Variants in MYT1L observed in about 807,000 individuals in gnomAD.
The protein encoded by MYT1L is myelin transcription factor 1 like, also known as myelin transcription factor 1-like protein.
Under a neutral mutation model 126.7 loss-of-function variants are expected in MYT1L, and 12 were observed. The observed-to-expected ratio is 0.09, with a 90% confidence interval of 0.06 to 0.15. The LOEUF (loss-of-function observed/expected upper bound fraction) is 0.15, where lower values mean the gene tolerates loss of function less well. Among genes scored for constraint, MYT1L ranks in the 10% least tolerant of loss-of-function variants. The pLI is 1.00. For synonymous variants in MYT1L, 541 were observed against 604.2 expected, an observed-to-expected ratio of 0.90 and a Z score of 1.53; for missense variants, 979 against 1,585.2, an observed-to-expected ratio of 0.62 and a Z score of 6.49.
rs930020146 is a variant in MYT1L at position 2,151,243 on chromosome 2, A to G, written c.-304+21629T>C. 2.0e-5 allele frequency among the ~76,000 whole-genome samples: 3 copies of G among 152,232 alleles called. 1 individual carries two copies. In the South Asian group the frequency reaches 6.2e-4, roughly 32 times the overall value. ...AACATTAAGATTTTTCTGTGGTGCT[A>G]TAGAATACTGTGAGAAGAGACCATT... On this transcript the variant is annotated intron_variant, in intron 3 of 24. Transcript: ENST00000647738.
At chr2:2,236,788 TTCTTCTTCTTCTTCTTCTTCTTCTTC>T (rs1459465865) in intron 2 of MYT1L, among the ~76,000 whole-genome samples, 5 of 18,098 alleles carry the variant, frequency 2.8e-4, no homozygotes, top group Non-Finnish European at 4.2e-4. Context: ...CTTCTTCTTC[TTCTTCTTCTTCTTCTTCTTCTTCTTC>T]TTTTTTTTTT....
Position 1,889,259 on chromosome 2 carries a change from G to A in MYT1L, c.2502C>T (p.Asp834=), listed in dbSNP as rs562364952. ...TKMKPRRIDE[D]ESKDITPEDL... ...GACATACAGTAATGTCTTTGGACTC[G>A]TCCTCGTCTATCCTCCGGGGTTTCA... Residue 834 remains aspartate, a synonymous_variant, in exon 16 of 25, where the codon GAC becomes GAT. Coordinates refer to ENST00000647738, the MANE Select transcript of MYT1L (RefSeq NM_001303052.2). This position sits in a 1 kb window ranked among gnomAD's most constrained non-coding sequence, Gnocchi z 4.1. 32 of 1,613,750 alleles carry A rather than the reference G, an allele frequency of 2.0e-5. No individual in the cohort carries two copies. The East Asian group carries it at 2.9e-4, about 15-fold the overall frequency.
intron 18 of MYT1L, among the ~76,000 whole-genome samples, chr2:1,863,719 C>G (rs1260154191): frequency 6.9e-6 from 1 of 145,826 alleles, no homozygotes; most frequent in South Asian, 2.1e-4. Flanking sequence ...GGACTTGAAC[C>G]ATGTCACTTG....
intron 8 of MYT1L, among the ~76,000 whole-genome samples, chr2:1,964,944 C>T (rs1253077944): frequency 6.6e-6 from 1 of 152,234 alleles, no homozygotes; most frequent in Non-Finnish European, 1.5e-5. Flanking sequence ...AAGCAGCACT[C>T]ACCAAGCAAT....
At chr2:2,033,787 G>C (rs1558805148) in intron 4 of MYT1L, among the ~76,000 whole-genome samples, 1 of 152,080 alleles carries the variant, frequency 6.6e-6, no homozygotes, top group Non-Finnish European at 1.5e-5. Context: ...ATGGTGCCTG[G>C]AGCAGCCCCA....
intron 2 of MYT1L, among the ~76,000 whole-genome samples, chr2:2,277,018 G>C (rs962769605): frequency 3.3e-5 from 5 of 151,254 alleles, no homozygotes; most frequent in Non-Finnish European, 7.4e-5. Flanking sequence ...GTCTCACTCT[G>C]TTGGCCAGGC....
At chr2:2,096,452 C>G (rs2077479453) in intron 3 of MYT1L, among the ~76,000 whole-genome samples, 1 of 152,202 alleles carries the variant, frequency 6.6e-6, no homozygotes, top group South Asian at 2.1e-4. Flanking sequence ...TCAGGTTGTT[C>G]AGGTTCCTAG....
chr2:2,144,343 G>A (rs1320527588), intron 3 of MYT1L, among the ~76,000 whole-genome samples: 2 of 152,122 alleles, frequency 1.3e-5, no homozygotes, highest in Non-Finnish European at 2.9e-5. Flanking sequence ...CCAGTCAGCG[G>A]CCTCATCTCA....
At chr2:2,204,309 TCA>T (rs1207322928) in intron 2 of MYT1L, among the ~76,000 whole-genome samples, 1 of 151,522 alleles carries the variant, frequency 6.6e-6, no homozygotes, top group East Asian at 1.9e-4. Context: ...GAAACTACCA[TCA>T]GAGTGAACAG....
intron 24 of MYT1L, 73 bp downstream of exon 24, chr2:1,792,248 A>G: frequency 6.8e-7 from 1 of 1,474,984 alleles, no homozygotes; most frequent in Non-Finnish European, 9.0e-7. Context: ...AAATAACGAT[A>G]AAAACGGCAT....
chr2:2,260,848 C>T (rs769944243), intron 2 of MYT1L, among the ~76,000 whole-genome samples: 1 of 152,110 alleles, frequency 6.6e-6, no homozygotes. Context: ...GGTGACCTGG[C>T]CTGGTGAGGA....
chr2:2,017,856 T>C (rs1574549661), intron 4 of MYT1L, among the ~76,000 whole-genome samples: 1 of 152,198 alleles, frequency 6.6e-6, no homozygotes, highest in African/African-American at 2.4e-5. Context: ...CAATTTCTTT[T>C]ATATTTTTCA....
chr2:1,943,418 C>T lies in MYT1L; in HGVS notation c.153-84G>A. 5.0e-6 allele frequency: 7 copies of T among 1,413,528 alleles called. No individual in the cohort carries two copies. The highest frequency in any genetic ancestry group is 6.5e-6 in the Non-Finnish European group (7 of 1,073,840). 87.6% of individuals were successfully genotyped at this position (1,413,528 alleles called of 1,614,324 possible). A position where few individuals can be genotyped will look rare whatever the true frequency, so the allele number is the denominator to read the frequency against. ...TCTTTTAAAATCAGACCAATGGGGG[C>T]CTTGATCAAGGTACTTAAAGGCTTA... On this transcript the variant is annotated intron_variant, in intron 8 of 24. Coordinates refer to ENST00000647738, the MANE Select transcript of MYT1L (RefSeq NM_001303052.2). This position sits in a 1 kb window ranked among gnomAD's most constrained non-coding sequence, Gnocchi z 4.4.
intron 9 of MYT1L, among the ~76,000 whole-genome samples, chr2:1,933,250 G>A (rs1012290514): frequency 1.3e-5 from 2 of 151,560 alleles, no homozygotes; most frequent in South Asian, 2.1e-4. Context: ...AGAGAGCCAC[G>A]GAAATTACCC....
chr2:2,156,133 T>C (rs2086688236), intron 3 of MYT1L, among the ~76,000 whole-genome samples: 1 of 152,230 alleles, frequency 6.6e-6, no homozygotes, highest in Non-Finnish European at 1.5e-5. Flanking sequence ...TTGTAAAATA[T>C]ATATTAAAAC....
chr2:2,233,954 C>T (rs529124980), intron 2 of MYT1L, among the ~76,000 whole-genome samples: 8 of 152,262 alleles, frequency 5.3e-5, no homozygotes, highest in Non-Finnish European at 8.8e-5. Flanking sequence ...GGCAGGATTG[C>T]GGGTATACCT....
Position 1,979,752 on chromosome 2 carries a change from C to T in MYT1L, c.26G>A (p.Arg9Gln), listed in dbSNP as rs774259529. MEVDTEEK[R>Q]HRTRSKGVRV... Reference sequence around the variant, plus strand: ...AACCCCTTTGGACCGCGTGCGATGCCGCTTCTCCTCGGTGTCCACCTCCAT... The same window carrying T: ...AACCCCTTTGGACCGCGTGCGATGCTGCTTCTCCTCGGTGTCCACCTCCAT... The change falls in exon 6 of 25, where the codon CGG becomes CAG. Residue 9 changes from arginine (R) to glutamine (Q), a missense_variant. This residue lies in a region of MYT1L where 50 missense variants were observed against 48.6 expected (regional missense o/e 1.03). Coordinates refer to ENST00000647738, the MANE Select transcript of MYT1L (RefSeq NM_001303052.2). This position sits in a 1 kb window ranked among gnomAD's most constrained non-coding sequence, Gnocchi z 4.0. The T allele has an allele frequency of 5.6e-6, 9 of 1,613,842 alleles. No homozygotes were observed. Among genetic ancestry groups the T allele is most frequent in the African/African-American group, 2.7e-5 (2 of 74,940 alleles).
chr2:2,052,773 G>GA (rs2068990426), intron 4 of MYT1L, among the ~76,000 whole-genome samples: 1 of 152,130 alleles, frequency 6.6e-6, no homozygotes, highest in African/African-American at 2.4e-5. Flanking sequence ...AAAACCACAG[G>GA]AAAGAGTTAA....
At chr2:1,830,817 C>T (rs1022390378) in intron 21 of MYT1L, among the ~76,000 whole-genome samples, 4 of 151,504 alleles carry the variant, frequency 2.6e-5, no homozygotes, top group Admixed American at 6.6e-5. Flanking sequence ...GCTCTGTCCT[C>T]GCCTGCTGGC....
Sources: allele counts gnomAD v4.1 joint callset (sites outside exome capture counted in the v4.1 genomes callset), GRCh38; gene constraint gnomAD v4.1.1; regional missense constraint gnomAD v4.1.1; non-coding constraint Gnocchi (gnomAD v3.1); transcripts MANE v1.5; gene names NCBI Gene and HGNC (gene_info 2026-07-23, HGNC 2026-07-21).